Variants in CFAP91 observed in about 807,000 individuals in gnomAD.
The protein encoded by CFAP91 is cilia and flagella associated protein 91.
A neutral mutation model predicts 95.9 loss-of-function variants in CFAP91; 85 were observed. The observed-to-expected ratio is 0.89, with a 90% CI of 0.74 to 1.06. The LOEUF is 1.06. Among genes scored for constraint, CFAP91 ranks in the 50% least tolerant of loss-of-function variants. The probability of loss-of-function intolerance (pLI) is 0.00; values close to 1 mark genes in which losing one functional copy is unlikely to be tolerated. For synonymous variants in CFAP91, 335 were observed against 327.5 expected, an observed-to-expected ratio of 1.02 and a Z score of -0.25; for missense variants, 962 against 943.4, an observed-to-expected ratio of 1.02 and a Z score of -0.26.
chr3:119,757,897 G>A (rs978293063), intron 17 of CFAP91, among the ~76,000 whole-genome samples: 8 of 152,086 alleles, frequency 5.3e-5, no homozygotes, highest in African/African-American at 1.9e-4. Context: ...TAGGTTTTCG[G>A]TAGATACTGT....
intron 14 of CFAP91, among the ~76,000 whole-genome samples, chr3:119,746,221 C>G (rs2054216568): frequency 6.6e-6 from 1 of 152,192 alleles, no homozygotes. Flanking sequence ...CCATGGTGGC[C>G]TTCTGAGATA....
Position 119,740,599 on chromosome 3 carries a change from C to T in CFAP91, c.1584C>T (p.Thr528=), listed in dbSNP as rs1280778187. The T allele has an allele frequency of 6.2e-7, 1 of 1,614,040 alleles. No homozygotes were observed. The highest frequency in any genetic ancestry group is 1.3e-5 in the African/African-American group (1 of 74,926). The change falls in exon 13 of 18, where the codon ACC becomes ACT. Residue 528 remains threonine (T), a synonymous_variant. Coordinates refer to ENST00000273390, the MANE Select transcript of CFAP91 (RefSeq NM_033364.4). Reference sequence around the variant, plus strand: ...TGGAGTTGATCCAGGAGTTGCGCACCTGCCACGCACTACAAGAAGATGAAA... The same window carrying T: ...TGGAGTTGATCCAGGAGTTGCGCACTTGCCACGCACTACAAGAAGATGAAA... ...KRLELIQELR[T]CHALQEDEKL...
intron 14 of CFAP91, 50 bp downstream of exon 14, chr3:119,744,246 C>A: frequency 7.0e-7 from 1 of 1,427,984 alleles, no homozygotes; most frequent in South Asian, 1.3e-5. Flanking sequence ...GGAGCCAAGT[C>A]AAACCAAAGG....
At chr3:119,723,376 A>G (rs2053722457) in intron 6 of CFAP91, among the ~76,000 whole-genome samples, 1 of 152,214 alleles carries the variant, frequency 6.6e-6, no homozygotes, top group African/African-American at 2.4e-5. Context: ...TAAGAATCCT[A>G]GAGAAGCTCA....
At chr3:119,733,020 A>G (rs2053932947) in intron 9 of CFAP91, among the ~76,000 whole-genome samples, 1 of 152,226 alleles carries the variant, frequency 6.6e-6, no homozygotes, top group Non-Finnish European at 1.5e-5. Flanking sequence ...CCAGAGCAAA[A>G]TGTAATAAAT....
At position 119,737,388 on chromosome 3, in the gene CFAP91, A is replaced by C; in HGVS notation, c.1367A>C (p.Lys456Thr). 5 of 1,600,078 alleles carry C rather than the reference A, an allele frequency of 3.1e-6. No homozygotes were observed. The highest frequency in any genetic ancestry group is 3.4e-6 in the Non-Finnish European group (4 of 1,173,426). ...CAGGCACTGTTGGATAAGAAGAATA[A>C]AGTTCTTGAAGTAAAGAAACCCCCT... ...VHKALLDKKN[K>T]VLEVKKPPRF... Residue 456 changes from lysine to threonine, a missense_variant, in exon 11 of 18, where the codon AAA (lysine) becomes ACA (threonine). Coordinates refer to ENST00000273390, the MANE Select transcript of CFAP91 (RefSeq NM_033364.4).
intron 17 of CFAP91, among the ~76,000 whole-genome samples, chr3:119,763,960 G>A (rs2054583644): frequency 6.6e-6 from 1 of 152,062 alleles, no homozygotes; most frequent in South Asian, 2.1e-4. Context: ...TTTGAAAATA[G>A]CAAAGAGAGA....
chr3:119,722,976 C>T (rs1250769695), intron 6 of CFAP91, among the ~76,000 whole-genome samples: 1 of 152,072 alleles, frequency 6.6e-6, no homozygotes, highest in Non-Finnish European at 1.5e-5. Context: ...AAGACTTCTC[C>T]CTCAAATAAT....
intron 7 of CFAP91, among the ~76,000 whole-genome samples, chr3:119,727,078 A>G (rs115133623): frequency 5.3e-5 from 8 of 152,162 alleles, no homozygotes; most frequent in African/African-American, 1.9e-4. Context: ...AAAAATTATA[A>G]CTCTCTAGCA....
intron 13 of CFAP91, among the ~76,000 whole-genome samples, chr3:119,742,709 A>G (rs2054144295): frequency 6.6e-6 from 1 of 152,180 alleles, no homozygotes; most frequent in Non-Finnish European, 1.5e-5. Context: ...CTATTATATA[A>G]GTAAAGTTGA....
chr3:119,752,240 G>A (rs1323743276), intron 17 of CFAP91: 1 of 152,106 alleles, frequency 6.6e-6, no homozygotes, highest in African/African-American at 2.4e-5. Context: ...CAGAAGTTTT[G>A]TATATTGTCC....
intron 3 of CFAP91, among the ~76,000 whole-genome samples, chr3:119,707,855 A>G (rs900039740): frequency 6.6e-6 from 1 of 151,818 alleles, no homozygotes; most frequent in Non-Finnish European, 1.5e-5. Flanking sequence ...TTCTGCTAGT[A>G]TCTAAAATAT....
chr3:119,713,965 G>A lies in CFAP91; in HGVS notation c.501-1597G>A, dbSNP rs574641060. On this transcript the variant is annotated intron_variant, in intron 5 of 17. Coordinates refer to ENST00000273390, the MANE Select transcript of CFAP91 (RefSeq NM_033364.4). Reference sequence around the variant, plus strand: ...TTCTCGTATTGATGTGATCATTTAAGTTTCTAATTTTTCACTCTTAGAAAT... The same window carrying A: ...TTCTCGTATTGATGTGATCATTTAAATTTCTAATTTTTCACTCTTAGAAAT... 2.8e-4 allele frequency among the ~76,000 whole-genome samples: 42 copies of A among 152,148 alleles called. No homozygotes were observed. The South Asian group carries it at 3.1e-3, about 11-fold the overall frequency.
intron 17 of CFAP91, among the ~76,000 whole-genome samples, chr3:119,763,220 A>T (rs2054570354): frequency 6.6e-6 from 1 of 152,100 alleles, no homozygotes; most frequent in Non-Finnish European, 1.5e-5. Context: ...CATGAAAAAA[A>T]TGCCCAACAT....
In CFAP91 at chr3:119,747,131, A is replaced by G. The variant is rs761049111; in HGVS notation, c.1919A>G (p.His640Arg). ...EIFKEVVKVH[H>R]STISSYLEDI... ...TTTTTGCAGGTGGTTAAAGTTCACC[A>G]TAGTACTATAAGCTCCTACCTAGAA... Residue 640 changes from histidine to arginine, a missense_variant, in exon 15 of 18, where the codon CAT becomes CGT. Transcript: ENST00000273390. 1.1e-5 allele frequency: 18 copies of G among 1,606,054 alleles called. No homozygotes were observed. In the Admixed American group the frequency reaches 2.0e-4, roughly 18 times the overall value.
At chr3:119,737,949 A>G (rs9866905) in intron 11 of CFAP91, among the ~76,000 whole-genome samples, 2,501 of 152,312 alleles carry the variant, frequency 0.016, 60 homozygotes, top group African/African-American at 0.057. Flanking sequence ...ATTTGAGCAA[A>G]GTATCAGAGT....
intron 12 of CFAP91, 175 bp downstream of exon 12, chr3:119,739,501 C>A: frequency 1.7e-6 from 1 of 579,150 alleles, no homozygotes; most frequent in South Asian, 2.4e-5. Context: ...CTAATGGCAT[C>A]ATTTGTCCAG....
At chr3:119,732,883 T>C (rs2053930356) in intron 9 of CFAP91, among the ~76,000 whole-genome samples, 1 of 152,230 alleles carries the variant, frequency 6.6e-6, no homozygotes, top group Admixed American at 6.5e-5. Flanking sequence ...GAGAGGACTA[T>C]ACCTCTTATG....
rs1009618144 is a variant in CFAP91 at position 119,765,787 on chromosome 3, T to C, written c.*737T>C. ...TGTCAAATAGGAAAAAAGAAAACAG[T>C]AAATGAACAAAAACATCAACATGGA... On this transcript the variant is annotated 3_prime_UTR_variant, in exon 18 of 18. Coordinates refer to ENST00000273390, the MANE Select transcript of CFAP91 (RefSeq NM_033364.4). The C allele has an allele frequency of 1.3e-5, 2 of 152,128 alleles. No homozygotes were observed. The highest frequency in any genetic ancestry group is 2.9e-5 in the Non-Finnish European group (2 of 68,016). The allele number at this position is 152,128 out of a possible 1,614,324, so 9.4% of individuals were successfully genotyped here. A position where few individuals can be genotyped will look rare whatever the true frequency, so the allele number is the denominator to read the frequency against.
Sources: allele counts gnomAD v4.1 joint callset (sites outside exome capture counted in the v4.1 genomes callset), GRCh38; gene constraint gnomAD v4.1.1; transcripts MANE v1.5; gene names NCBI Gene and HGNC (gene_info 2026-07-23, HGNC 2026-07-21).